SGK1: variants seen among roughly 807,000 people sequenced by gnomAD.
The protein encoded by SGK1 is serine/threonine-protein kinase Sgk1.
SGK1 carries 26 observed loss-of-function variants against 64.2 expected under a neutral mutation model. The observed-to-expected ratio is 0.40, with a 90% confidence interval of 0.30 to 0.56. The LOEUF (loss-of-function observed/expected upper bound fraction) is 0.56. Among genes scored for constraint, SGK1 ranks in the 20% least tolerant of loss-of-function variants. The pLI, the probability that SGK1 is intolerant of heterozygous loss-of-function variation, is 0.38. For missense variants in SGK1, 519 were observed against 645.6 expected, an observed-to-expected ratio of 0.80 and a Z score of 2.12; for synonymous variants, 265 against 239.7, an observed-to-expected ratio of 1.11 and a Z score of -0.98.
Position 134,173,241 on chromosome 6 carries a change from G to A in SGK1, c.702+33C>T, listed in dbSNP as rs569898521. 68 of 1,607,890 alleles carry A rather than the reference G, an allele frequency of 4.2e-5. 1 individual carries two copies. The highest frequency in any genetic ancestry group is 1.1e-4 in the African/African-American group (8 of 74,880). On this transcript the variant is annotated intron_variant, in intron 7 of 13. Transcript: ENST00000367858. ...CAAGATTATTCAAGGAGTGTCTACC[G>A]CCAATGCCAGCCCCATCAAGCACAT...
chr6:134,292,355 G>A (rs2114781621), intron 1 of SGK1, among the ~76,000 whole-genome samples: 1 of 152,298 alleles, frequency 6.6e-6, no homozygotes, highest in African/African-American at 2.4e-5. Context: ...AACTCTGGGA[G>A]GCCGAGGCGG....
At chr6:134,177,859 T>G in intron 3 of SGK1, 5 of 1,585,168 alleles carry the variant, frequency 3.2e-6, no homozygotes, top group Non-Finnish European at 3.4e-6. Flanking sequence ...CCTGTTCTGT[T>G]ATGAACCCCA....
intron 2 of SGK1, among the ~76,000 whole-genome samples, chr6:134,223,728 C>A (rs1776126813): frequency 6.6e-6 from 1 of 152,204 alleles, no homozygotes; most frequent in African/African-American, 2.4e-5. Context: ...TTCAATCTTC[C>A]ATTAACACTT....
chr6:134,177,644 T>G (rs902796928), intron 3 of SGK1: 3 of 1,609,616 alleles, frequency 1.9e-6, no homozygotes, highest in African/African-American at 1.3e-5. Context: ...CTGCAAAATA[T>G]AGTACGGTAA....
chr6:134,246,227 C>T (rs191320406), intron 2 of SGK1, among the ~76,000 whole-genome samples: 15 of 152,086 alleles, frequency 9.9e-5, no homozygotes, highest in Middle Eastern at 6.8e-3. Flanking sequence ...CGGCTCACTG[C>T]AACCTCTGCC....
At chr6:134,174,786 C>T in intron 3 of SGK1, 200 bp from the exon 4 acceptor site, 1 of 1,614,208 alleles carries the variant, frequency 6.2e-7, no homozygotes. Flanking sequence ...GTGCCCTTAG[C>T]AGCCTCAGTT....
chr6:134,172,450 C>G, intron 9 of SGK1, 134 bp from the exon 10 acceptor site: 4 of 920,878 alleles, frequency 4.3e-6, no homozygotes, highest in Non-Finnish European at 6.6e-6. Flanking sequence ...AAAAAGGGAG[C>G]CCTTGTTCTG....
In SGK1 at chr6:134,172,835, C is replaced by A; in HGVS notation, c.835-61G>T. ...AATGAATTTAATTAGTTTTGACATA[C>A]ACAGCAAAAGAACAACTGCAGGAAG... On this transcript the variant is annotated intron_variant, in intron 8 of 13. Transcript: ENST00000367858. The A allele has an allele frequency of 6.0e-6, 8 of 1,334,232 alleles. No homozygotes were observed. The South Asian group carries it at 9.4e-5, about 16-fold the overall frequency. The allele number at this position is 1,334,232 out of a possible 1,614,324, so 82.6% of individuals were successfully genotyped here.
At position 134,218,525 on chromosome 6, in the gene SGK1, C is replaced by T. The variant is rs542217890; in HGVS notation, c.286-11094G>A. Among the ~76,000 whole-genome samples, 68 of 151,450 alleles carry T rather than the reference C, an allele frequency of 4.5e-4. 1 individual carries two copies. In the Middle Eastern group the frequency reaches 0.01, roughly 23 times the overall value. ...TGGCTCACTGCAACCTCCACCTCCC[C>T]GGTTCAAGTGATTCTCCTGCCTCAG... On this transcript the variant is annotated intron_variant, in intron 2 of 13. Transcript: ENST00000367858.
chr6:134,286,927 T>A (rs998101890), intron 1 of SGK1, among the ~76,000 whole-genome samples: 18 of 152,136 alleles, frequency 1.2e-4, no homozygotes, highest in African/African-American at 4.1e-4. Context: ...TAAAGAGAGG[T>A]TGGGGGCATT....
chr6:134,208,130 TCGAACTC>T (rs1417800751), intron 2 of SGK1, among the ~76,000 whole-genome samples: 1 of 152,152 alleles, frequency 6.6e-6, no homozygotes, highest in Non-Finnish European at 1.5e-5. Context: ...CAGGCTGGTC[TCGAACTC>T]CTGACCTCAA....
rs188517438 is a variant in SGK1, at chr6:134,226,699, A to T, written c.286-19268T>A. On this transcript the variant is annotated intron_variant, in intron 2 of 13. Transcript: ENST00000367858. The stretch of plus-strand genomic sequence containing the variant: ...ACAGAGTGAGACCCTGTCTCAAAAA[A>T]AAAAATAAAAATAAAAATAAATAAA... Among the ~76,000 whole-genome samples, 1,331 of 151,830 alleles carry T rather than the reference A, an allele frequency of 8.8e-3. 19 individuals carry two copies. Among genetic ancestry groups the T allele is most frequent in the African/African-American group, 0.029 (1,188 of 41,376 alleles).
At chr6:134,265,592 CATATACATATATATTTTATAT>C (rs1269757695) in intron 1 of SGK1, among the ~76,000 whole-genome samples, 5 of 139,462 alleles carry the variant, frequency 3.6e-5, no homozygotes, top group Admixed American at 7.3e-5. Flanking sequence ...TACATATATA[CATATACATATATATTTTATAT>C]ATATACATAT....
chr6:134,278,110 G>A (rs184613099), intron 1 of SGK1, among the ~76,000 whole-genome samples: 168 of 152,298 alleles, frequency 1.1e-3, no homozygotes, highest in African/African-American at 3.9e-3. Context: ...TTCGTTCCCT[G>A]AAGTCCTGCT....
In SGK1 at chr6:134,169,725, G is replaced by A. The variant is rs1774945655; in HGVS notation, c.*543C>T. ...ATAAATTTATCTTCCAAATATGGAA[G>A]AAACAAACAATGTCCCACGTTGTAG... is the stretch of plus-strand genomic sequence containing the variant. On this transcript the variant is annotated 3_prime_UTR_variant, in exon 14 of 14. Transcript: ENST00000367858. 1 of 152,592 alleles carries A rather than the reference G, an allele frequency of 6.6e-6. No homozygotes were observed. The highest frequency in any genetic ancestry group is 1.5e-5 in the Non-Finnish European group (1 of 68,040). 9.5% of individuals were successfully genotyped at this position (152,592 alleles called of 1,614,324 possible).
intron 1 of SGK1, chr6:134,297,330 T>C: frequency 8.6e-7 from 1 of 1,158,378 alleles, no homozygotes; most frequent in Non-Finnish European, 1.3e-6. Context: ...CGCCATGTCC[T>C]GCTAGGCCCG....
intron 10 of SGK1, chr6:134,171,988 T>C: frequency 1.4e-6 from 1 of 705,764 alleles, no homozygotes; most frequent in East Asian, 2.5e-5. Context: ...AGATCTTACT[T>C]ACAAACAGCT....
chr6:134,275,505 C>T (rs1373631639), intron 1 of SGK1, among the ~76,000 whole-genome samples: 1 of 152,202 alleles, frequency 6.6e-6, no homozygotes, highest in Non-Finnish European at 1.5e-5. Context: ...TATAAGAAAG[C>T]CCATATGACT....
At chr6:134,185,669 G>A (rs1775411380) in intron 3 of SGK1, among the ~76,000 whole-genome samples, 1 of 151,714 alleles carries the variant, frequency 6.6e-6, no homozygotes, top group Non-Finnish European at 1.5e-5. Context: ...AGAAAGAGAA[G>A]AGAGGAGATT....
Sources: allele counts gnomAD v4.1 joint callset (sites outside exome capture counted in the v4.1 genomes callset), GRCh38; gene constraint gnomAD v4.1.1; transcripts MANE v1.5; gene names NCBI Gene and HGNC (gene_info 2026-07-23, HGNC 2026-07-21).